The following DACH1 variants were observed in gnomAD, a reference collection of about 807,000 sequenced individuals.
The protein encoded by DACH1 is dachshund family transcription factor 1.
DACH1 carries 12 observed loss-of-function variants against 54.2 expected under a neutral mutation model. That is an observed-to-expected ratio of 0.22 (90% CI 0.14 to 0.36). The LOEUF (loss-of-function observed/expected upper bound fraction) is 0.36, where lower values mean the gene tolerates loss of function less well. Ranked by LOEUF, DACH1 falls within the 10% of genes least tolerant of loss-of-function variation. DACH1 has a pLI of 1.00. For missense variants in DACH1, 805 were observed against 929.8 expected, an observed-to-expected ratio of 0.87 and a Z score of 1.75; for synonymous variants, 386 against 366.2, an observed-to-expected ratio of 1.05 and a Z score of -0.62.
chr13:71,447,944 A>G (rs1232079069), intron 10 of DACH1, among the ~76,000 whole-genome samples: 2 of 152,236 alleles, frequency 1.3e-5, no homozygotes, highest in South Asian at 4.1e-4. Context: ...AAAATCCTTA[A>G]CAATGGAGTA....
intron 1 of DACH1, among the ~76,000 whole-genome samples, chr13:71,712,928 A>G (rs1190551372): frequency 1.3e-5 from 2 of 152,134 alleles, no homozygotes; most frequent in Non-Finnish European, 2.9e-5. Flanking sequence ...AGGATTGCCT[A>G]CAAGTGATAA....
intron 1 of DACH1, among the ~76,000 whole-genome samples, chr13:71,734,982 T>TAG (rs1360670417): frequency 6.7e-6 from 1 of 148,370 alleles, no homozygotes; most frequent in African/African-American, 2.5e-5. Context: ...ACACACAGGA[T>TAG]ATATATATAT....
At chr13:71,513,324 A>G (rs1372767961) in intron 6 of DACH1, among the ~76,000 whole-genome samples, 1 of 151,978 alleles carries the variant, frequency 6.6e-6, no homozygotes, top group Admixed American at 6.6e-5. Context: ...ATTCCATATT[A>G]GCAGAAACCA....
chr13:71,573,063 A>G, intron 3 of DACH1, 51 bp from the exon 4 acceptor site: 2 of 1,532,394 alleles, frequency 1.3e-6, no homozygotes, highest in South Asian at 1.2e-5. Context: ...ATAAATCATT[A>G]AAAATTGAAA....
intron 3 of DACH1, among the ~76,000 whole-genome samples, chr13:71,600,605 A>C (rs986756876): frequency 6.6e-6 from 1 of 151,982 alleles, no homozygotes; most frequent in Non-Finnish European, 1.5e-5. Flanking sequence ...AAATAAGCAC[A>C]ATAAAAATCA....
At chr13:71,518,901 T>C (rs1331364945) in intron 6 of DACH1, among the ~76,000 whole-genome samples, 1 of 151,688 alleles carries the variant, frequency 6.6e-6, no homozygotes, top group Non-Finnish European at 1.5e-5. Context: ...AAAAATAAAA[T>C]AAAAAGAAGA....
At chr13:71,713,473 C>CA (rs549566411) in intron 1 of DACH1, among the ~76,000 whole-genome samples, 413 of 151,940 alleles carry the variant, frequency 2.7e-3, no homozygotes, top group Non-Finnish European at 4.8e-3. Context: ...CCCACACACA[C>CA]AAAAAAAGCT....
chr13:71,836,773 C>T (rs992089426), intron 1 of DACH1, among the ~76,000 whole-genome samples: 1 of 151,994 alleles, frequency 6.6e-6, no homozygotes, highest in Non-Finnish European at 1.5e-5. Context: ...ACCTATCCCA[C>T]TCTTCATACC....
At chr13:71,865,281 C>T (rs1874651497) in intron 1 of DACH1, among the ~76,000 whole-genome samples, 1 of 152,192 alleles carries the variant, frequency 6.6e-6, no homozygotes, top group East Asian at 1.9e-4. Flanking sequence ...GAGCCCATCC[C>T]CCGGGATGGA....
chr13:71,547,504 T>C (rs1593870517), intron 6 of DACH1, among the ~76,000 whole-genome samples: 2 of 152,116 alleles, frequency 1.3e-5, no homozygotes, highest in East Asian at 1.9e-4. Context: ...GCAACAATAG[T>C]AATGTAAAAT....
At chr13:71,720,724 A>G (rs1326171070) in intron 1 of DACH1, among the ~76,000 whole-genome samples, 2 of 152,178 alleles carry the variant, frequency 1.3e-5, no homozygotes, top group Non-Finnish European at 2.9e-5. Context: ...TGCTATCCAT[A>G]TAAAAGATCC....
rs367941015 is a variant in DACH1 at position 71,557,999 on chromosome 13, T to C, written c.1436-841A>G. On this transcript the variant is annotated intron_variant, in intron 5 of 10. Transcript: ENST00000613252. ...AAAAAAAATCTTGCTTTAAAAAATA[T>C]TGGTGGGAAAACCAGTGCAATTTAA... Among the ~76,000 whole-genome samples the C allele has an allele frequency of 6.0e-4, 91 of 152,058 alleles. 1 individual carries two copies. Among genetic ancestry groups the C allele is most frequent in the African/African-American group, 2.0e-3 (85 of 41,516 alleles).
chr13:71,795,185 A>G (rs1886992150), intron 1 of DACH1, among the ~76,000 whole-genome samples: 2 of 113,806 alleles, frequency 1.8e-5, no homozygotes, highest in African/African-American at 7.4e-5. Flanking sequence ...CATTTACAAA[A>G]TGTTTTTTTT....
At chr13:71,495,777 C>T (rs2138218591) in intron 6 of DACH1, among the ~76,000 whole-genome samples, 1 of 152,210 alleles carries the variant, frequency 6.6e-6, no homozygotes, top group East Asian at 1.9e-4. Context: ...AAAAAGAAAA[C>T]TACTATTCGA....
At chr13:71,832,973 T>C (rs1054766870) in intron 1 of DACH1, among the ~76,000 whole-genome samples, 3 of 151,952 alleles carry the variant, frequency 2.0e-5, no homozygotes, top group Admixed American at 2.0e-4. Context: ...CACTCCCTAC[T>C]TTTTTATTTT....
At chr13:71,706,495 T>C (rs1025473688) in intron 1 of DACH1, among the ~76,000 whole-genome samples, 7 of 152,114 alleles carry the variant, frequency 4.6e-5, no homozygotes, top group South Asian at 2.1e-4. Flanking sequence ...TATTTTTAAT[T>C]ATCTGAAATT....
chr13:71,450,642 G>A (rs949579552), intron 10 of DACH1, among the ~76,000 whole-genome samples: 3 of 152,094 alleles, frequency 2.0e-5, no homozygotes, highest in Admixed American at 6.6e-5. Flanking sequence ...CAAAGTCCTA[G>A]ACAGAACAAA....
intron 1 of DACH1, among the ~76,000 whole-genome samples, chr13:71,733,527 C>T (rs1250383277): frequency 2.0e-5 from 3 of 152,110 alleles, no homozygotes; most frequent in African/African-American, 7.2e-5. Context: ...ACTTTGATAA[C>T]TTCAGCACTG....
intron 1 of DACH1, among the ~76,000 whole-genome samples, chr13:71,814,328 T>C (rs879260343): frequency 6.6e-6 from 1 of 152,238 alleles, no homozygotes; most frequent in Admixed American, 6.5e-5. Context: ...ATTGTTTACA[T>C]CCATTTACTT....
Sources: gnomAD v4.1 joint callset for allele counts (sites outside exome capture counted in the v4.1 genomes callset) on GRCh38, gnomAD v4.1.1 for gene constraint, MANE v1.5 for transcripts, NCBI Gene and HGNC (gene_info 2026-07-23, HGNC 2026-07-21) for gene names.